KCTD20: variants seen among roughly 807,000 people sequenced by gnomAD.
The protein encoded by KCTD20 is BTB/POZ domain-containing protein KCTD20.
KCTD20 carries 30 observed loss-of-function variants against 39.6 expected under a neutral mutation model. The observed-to-expected ratio is 0.76, with a 90% CI of 0.57 to 1.03. The LOEUF is 1.03. KCTD20 is among the 50% of genes least tolerant of loss of function. The probability of loss-of-function intolerance (pLI) is 0.00; values close to 1 mark genes in which losing one functional copy is unlikely to be tolerated. For missense variants in KCTD20, 422 were observed against 522.0 expected, an observed-to-expected ratio of 0.81 and a Z score of 1.87; for synonymous variants, 162 against 180.6, an observed-to-expected ratio of 0.90 and a Z score of 0.83.
chr6:36,449,169 T>G (rs1250962491), intron 1 of KCTD20, among the ~76,000 whole-genome samples: 1 of 152,188 alleles, frequency 6.6e-6, no homozygotes, highest in East Asian at 1.9e-4. Context: ...TAGTCCCTTA[T>G]TTGGCCCTGT....
chr6:36,476,338 T>C (rs1403079909), intron 3 of KCTD20, among the ~76,000 whole-genome samples: 6 of 152,150 alleles, frequency 3.9e-5, no homozygotes, highest in Non-Finnish European at 7.3e-5. Context: ...GAAATTCGAA[T>C]TGATCACACT....
rs1775861357 is a variant in KCTD20, at chr6:36,469,891, C to T, written c.-46-161C>T. On this transcript the variant is annotated intron_variant, in intron 1 of 7. Transcript: ENST00000373731. This position sits in a 1 kb window ranked among gnomAD's most constrained non-coding sequence, Gnocchi z 4.6. ...TTTGATAAAGACCATTTAAATCAGC[C>T]TGATTCCTATCGATATAAAAATCAC... Among the ~76,000 whole-genome samples, 2 of 152,194 alleles carry T rather than the reference C, an allele frequency of 1.3e-5. No individual in the cohort carries two copies. Among genetic ancestry groups the T allele is most frequent in the Admixed American group, 6.5e-5 (1 of 15,272 alleles).
At chr6:36,471,887 T>C (rs933682639) in intron 2 of KCTD20, among the ~76,000 whole-genome samples, 3 of 151,958 alleles carry the variant, frequency 2.0e-5, no homozygotes, top group East Asian at 3.9e-4. Flanking sequence ...CTCGCTCTGT[T>C]GCCCAGGCTG....
intron 2 of KCTD20, among the ~76,000 whole-genome samples, chr6:36,474,364 G>C (rs1408016392): frequency 6.6e-6 from 1 of 152,066 alleles, no homozygotes; most frequent in Non-Finnish European, 1.5e-5. Context: ...AAATATAAAA[G>C]TATTATTTAG....
intron 1 of KCTD20, among the ~76,000 whole-genome samples, chr6:36,449,418 C>T (rs936359140): frequency 4.0e-5 from 6 of 151,790 alleles, no homozygotes; most frequent in Admixed American, 1.3e-4. Flanking sequence ...CTGATTCATG[C>T]GTTTTTACAT....
In KCTD20 at chr6:36,462,491, GTTACAA is replaced by G. The variant is rs1243053591; in HGVS notation, c.-46-7560_-46-7555del. ...CAGTGGGAGATCACTTGAGGAGCGT[GTTACAA>G]GTTCAGATTCTCCAGACCCAACTAA... On this transcript the variant is annotated intron_variant, in intron 1 of 7. Coordinates refer to ENST00000373731, the MANE Select transcript of KCTD20 (RefSeq NM_173562.5). 4.4e-4 allele frequency among the ~76,000 whole-genome samples: 67 copies of G among 152,274 alleles called. 1 individual carries two copies. In the East Asian group the frequency reaches 0.013, roughly 28 times the overall value.
intron 1 of KCTD20, among the ~76,000 whole-genome samples, chr6:36,456,939 A>G (rs1454251221): frequency 6.6e-6 from 1 of 152,206 alleles, no homozygotes; most frequent in Non-Finnish European, 1.5e-5. Flanking sequence ...CTGGGACTAC[A>G]GGCATATGCC....
At chr6:36,481,264 A>C (rs1776237111) in intron 5 of KCTD20, among the ~76,000 whole-genome samples, 1 of 151,272 alleles carries the variant, frequency 6.6e-6, no homozygotes, top group African/African-American at 2.4e-5. Flanking sequence ...AATCATCCCC[A>C]AATGATGATT....
chr6:36,446,318 A>G (rs1254753637), intron 1 of KCTD20, among the ~76,000 whole-genome samples: 1 of 152,120 alleles, frequency 6.6e-6, no homozygotes, highest in Admixed American at 6.5e-5. Flanking sequence ...TTGAGCCACC[A>G]TGCCAGGCCT....
chr6:36,486,971 G>A lies in KCTD20; in HGVS notation c.1056G>A (p.Gln352=). 1 of 1,614,080 alleles carries A rather than the reference G, an allele frequency of 6.2e-7. No individual in the cohort carries two copies. Among genetic ancestry groups the A allele is most frequent in the Non-Finnish European group, 8.5e-7 (1 of 1,179,914 alleles). ...IYNYVQRPFI[Q]MSWEKEEGKS... is the part of the protein sequence containing the mutation. ...ATTATGTACAACGCCCCTTCATCCA[G>A]ATGTCATGGGAAAAGGAAGAAGGGA... Residue 352 remains glutamine, a synonymous_variant, in exon 8 of 8, where the codon CAG becomes CAA. Transcript: ENST00000373731.
intron 1 of KCTD20, among the ~76,000 whole-genome samples, chr6:36,444,116 C>G (rs944458879): frequency 2.6e-5 from 4 of 152,118 alleles, no homozygotes; most frequent in African/African-American, 9.7e-5. Context: ...GTTGCAGTAC[C>G]CTAGCACCTC....
In KCTD20 at chr6:36,486,959, C is replaced by T; in HGVS notation, c.1044C>T (p.Arg348=). Residue 348 remains arginine (R), a synonymous_variant, in exon 8 of 8, where the codon CGC becomes CGT. Coordinates refer to ENST00000373731, the MANE Select transcript of KCTD20 (RefSeq NM_173562.5). The stretch of plus-strand genomic sequence containing the variant: ...AAGTCATCTATAATTATGTACAACG[C>T]CCCTTCATCCAGATGTCATGGGAAA... ...RSEVIYNYVQ[R]PFIQMSWEKE... The T allele has an allele frequency of 1.9e-6, 3 of 1,614,052 alleles. No individual in the cohort carries two copies. Among genetic ancestry groups the T allele is most frequent in the Non-Finnish European group, 2.5e-6 (3 of 1,179,896 alleles).
intron 2 of KCTD20, among the ~76,000 whole-genome samples, chr6:36,471,262 T>C (rs191489877): frequency 6.6e-6 from 1 of 152,154 alleles, no homozygotes; most frequent in Admixed American, 6.5e-5. Context: ...ATTAAAACAA[T>C]AGCACCAATA....
intron 1 of KCTD20, among the ~76,000 whole-genome samples, chr6:36,466,900 T>C (rs1440808982): frequency 1.3e-5 from 2 of 152,110 alleles, no homozygotes; most frequent in Non-Finnish European, 2.9e-5. Context: ...CTTCTTAGGT[T>C]TCATAAGTCA....
chr6:36,461,090 G>A (rs758919371), intron 1 of KCTD20, among the ~76,000 whole-genome samples: 1 of 152,098 alleles, frequency 6.6e-6, no homozygotes, highest in Non-Finnish European at 1.5e-5. Context: ...TCTGGACTTA[G>A]GATGTAATGT....
At chr6:36,451,436 T>G (rs1279424903) in intron 1 of KCTD20, 1 of 152,226 alleles carries the variant, frequency 6.6e-6, no homozygotes, top group African/African-American at 2.4e-5. Flanking sequence ...ATACATTTAT[T>G]GTTTCAACTT....
At chr6:36,485,297 A>G (rs1776382270) in intron 7 of KCTD20, among the ~76,000 whole-genome samples, 1 of 152,000 alleles carries the variant, frequency 6.6e-6, no homozygotes, top group African/African-American at 2.4e-5. Context: ...CTGGGCAATA[A>G]GAGTTAAACT....
At chr6:36,464,505 G>C (rs1775685869) in intron 1 of KCTD20, among the ~76,000 whole-genome samples, 1 of 152,126 alleles carries the variant, frequency 6.6e-6, no homozygotes, top group African/African-American at 2.4e-5. Context: ...CTTTTGTAGA[G>C]ACTCAGTACT....
intron 3 of KCTD20, among the ~76,000 whole-genome samples, chr6:36,477,349 T>G (rs1459407606): frequency 6.6e-6 from 1 of 152,218 alleles, no homozygotes; most frequent in Non-Finnish European, 1.5e-5. Flanking sequence ...TTCAGAGCTC[T>G]CTGAGCTAGA....
Sources: allele counts gnomAD v4.1 joint callset (sites outside exome capture counted in the v4.1 genomes callset), GRCh38; gene constraint gnomAD v4.1.1; non-coding constraint Gnocchi (gnomAD v3.1); transcripts MANE v1.5; gene names NCBI Gene and HGNC (gene_info 2026-07-23, HGNC 2026-07-21).